Variants in MACROD2 observed in about 807,000 individuals in gnomAD.
MACROD2 encodes mono-ADP ribosylhydrolase 2.
Under a neutral mutation model 70.4 loss-of-function variants are expected in MACROD2, and 36 were observed. That is an observed-to-expected ratio of 0.51 (90% CI 0.39 to 0.68). The LOEUF (loss-of-function observed/expected upper bound fraction) is 0.68, where lower values mean the gene tolerates loss of function less well. MACROD2 is among the 30% of genes least tolerant of loss of function. MACROD2 has a pLI of 0.00. For missense variants in MACROD2, 496 were observed against 538.4 expected (o/e 0.92, Z 0.78); for synonymous variants, 172 against 178.8 (o/e 0.96, Z 0.30).
At chr20:15,852,257 T>C (rs1390330010) in intron 8 of MACROD2, among the ~76,000 whole-genome samples, 5 of 152,236 alleles carry the variant, frequency 3.3e-5, no homozygotes, top group African/African-American at 1.2e-4. Context: ...TGGCCATTTT[T>C]CTTATTGAGT....
intron 8 of MACROD2, among the ~76,000 whole-genome samples, chr20:15,755,864 T>C (rs2051340151): frequency 6.6e-6 from 1 of 152,144 alleles, no homozygotes; most frequent in Non-Finnish European, 1.5e-5. Flanking sequence ...TGGATTAAAC[T>C]GAAAGGAAAC....
At chr20:15,378,798 C>T (rs2045601660) in intron 6 of MACROD2, among the ~76,000 whole-genome samples, 1 of 151,826 alleles carries the variant, frequency 6.6e-6, no homozygotes, top group Non-Finnish European at 1.5e-5. Context: ...TTTTTTTCAA[C>T]CTTAACTGAT....
intron 5 of MACROD2, chr20:14,757,971 A>G: frequency 1.1e-6 from 1 of 877,476 alleles, no homozygotes; most frequent in Non-Finnish European, 1.9e-6. Flanking sequence ...GGTGCCGACA[A>G]GAAAGCCGAG....
At chr20:15,327,820 A>C (rs1382646826) in intron 6 of MACROD2, among the ~76,000 whole-genome samples, 6 of 152,012 alleles carry the variant, frequency 3.9e-5, no homozygotes, top group Admixed American at 3.3e-4. Context: ...TATATATTCT[A>C]TCCAGCCCTT....
intron 5 of MACROD2, among the ~76,000 whole-genome samples, chr20:15,127,435 A>G (rs2076074804): frequency 1.3e-5 from 2 of 152,126 alleles, no homozygotes; most frequent in African/African-American, 4.8e-5. Context: ...TTATTATCTC[A>G]TACAGTTTTT....
At chr20:14,565,741 C>T (rs1435947535) in intron 4 of MACROD2, among the ~76,000 whole-genome samples, 3 of 151,864 alleles carry the variant, frequency 2.0e-5, no homozygotes, top group Non-Finnish European at 2.9e-5. Context: ...TGATTATTCT[C>T]CATTTACTCT....
In MACROD2 at chr20:14,898,519, G is replaced by A. The variant is rs552324903; in HGVS notation, c.418+213560G>A. On this transcript the variant is annotated intron_variant, in intron 5 of 17. Coordinates refer to ENST00000684519, the MANE Select transcript of MACROD2 (RefSeq NM_001351661.2). ...CGAGGCGGGCAGATCACGAGGCCAG[G>A]AGTTCGAGACCAGCCTGGCCAACAT... Among the ~76,000 whole-genome samples the A allele has an allele frequency of 8.5e-5, 13 of 152,242 alleles. No homozygotes were observed. The East Asian group carries it at 9.7e-4, about 11-fold the overall frequency.
chr20:14,595,288 G>A (rs1047770648), intron 4 of MACROD2, among the ~76,000 whole-genome samples: 5 of 151,992 alleles, frequency 3.3e-5, no homozygotes, highest in Admixed American at 1.3e-4. Flanking sequence ...TTTATTGGAC[G>A]AAAAGGAAAA....
At chr20:14,276,505 A>T (rs2082258410) in intron 3 of MACROD2, among the ~76,000 whole-genome samples, 1 of 146,240 alleles carries the variant, frequency 6.8e-6, no homozygotes, top group African/African-American at 2.5e-5. Flanking sequence ...GAGGGATAGC[A>T]TTAGGAGATA....
chr20:14,995,281 A>G (rs965446978), intron 5 of MACROD2, among the ~76,000 whole-genome samples: 1 of 152,150 alleles, frequency 6.6e-6, no homozygotes, highest in Non-Finnish European at 1.5e-5. Flanking sequence ...GGGATTAGTT[A>G]CTTGGTAAAT....
chr20:15,084,016 G>A (rs903065752), intron 5 of MACROD2, among the ~76,000 whole-genome samples: 4 of 150,240 alleles, frequency 2.7e-5, no homozygotes, highest in African/African-American at 9.8e-5. Flanking sequence ...GGATTCTTAT[G>A]AGCACATTCT....
chr20:14,286,687 ATTT>A (rs1171909813), intron 3 of MACROD2, among the ~76,000 whole-genome samples: 1 of 152,062 alleles, frequency 6.6e-6, no homozygotes, highest in African/African-American at 2.4e-5. Context: ...GAGGATGTTA[ATTT>A]GCTTTAACAC....
At chr20:15,666,521 G>T (rs906571543) in intron 8 of MACROD2, among the ~76,000 whole-genome samples, 1 of 152,022 alleles carries the variant, frequency 6.6e-6, no homozygotes, top group African/African-American at 2.4e-5. Context: ...AAAAATTTAT[G>T]TATTTTTTTT....
At chr20:14,683,381 G>C (rs559454455) in intron 4 of MACROD2, among the ~76,000 whole-genome samples, 122 of 152,282 alleles carry the variant, frequency 8.0e-4, no homozygotes, top group Non-Finnish European at 1.1e-3. Context: ...ACAAGGACTT[G>C]TAAGAAAACC....
chr20:15,286,685 T>C (rs2077495191), intron 6 of MACROD2, among the ~76,000 whole-genome samples: 1 of 152,170 alleles, frequency 6.6e-6, no homozygotes, highest in African/African-American at 2.4e-5. Context: ...ATTTAGTAAA[T>C]AGCACATTTA....
chr20:15,188,879 C>G lies in MACROD2; in HGVS notation c.419-41061C>G, dbSNP rs189184546. On this transcript the variant is annotated intron_variant, in intron 5 of 17. Coordinates refer to ENST00000684519, the MANE Select transcript of MACROD2 (RefSeq NM_001351661.2). ...ACTATATTCAGCCTTGGGCAGTAAA[C>G]TATAACTCAGCTAAAGTTACATAAA... is the stretch of plus-strand genomic sequence containing the variant. Among the ~76,000 whole-genome samples the G allele has an allele frequency of 1.7e-3, 256 of 152,234 alleles. 1 individual carries two copies. The highest frequency in any genetic ancestry group is 0.016 in the South Asian group (79 of 4,826).
At chr20:14,515,469 A>ACACACGCGCGCG (rs1555798355) in intron 4 of MACROD2, among the ~76,000 whole-genome samples, 19 of 143,726 alleles carry the variant, frequency 1.3e-4, no homozygotes, top group African/African-American at 4.8e-4. Context: ...ACACACGCAC[A>ACACACGCGCGCG]CACACACACA....
At chr20:15,224,838 T>C (rs2076891505) in intron 5 of MACROD2, among the ~76,000 whole-genome samples, 1 of 151,910 alleles carries the variant, frequency 6.6e-6, no homozygotes, top group Non-Finnish European at 1.5e-5. Context: ...TGCATGCCTG[T>C]AATCCCAGCT....
At chr20:15,264,636 G>T (rs1353366183) in intron 6 of MACROD2, among the ~76,000 whole-genome samples, 2 of 152,182 alleles carry the variant, frequency 1.3e-5, no homozygotes, top group East Asian at 3.9e-4. Flanking sequence ...TTATTCTGCG[G>T]ATAGTCTCGC....
Sources: gnomAD v4.1 joint callset for allele counts (sites outside exome capture counted in the v4.1 genomes callset) on GRCh38, gnomAD v4.1.1 for gene constraint, MANE v1.5 for transcripts, NCBI Gene and HGNC (gene_info 2026-07-23, HGNC 2026-07-21) for gene names.